The following ITGA11 variants were observed in gnomAD, a reference collection of about 807,000 sequenced individuals.
The protein encoded by ITGA11 is integrin subunit alpha 11, also known as integrin alpha-11.
A neutral mutation model predicts 141.9 loss-of-function variants in ITGA11; 97 were observed. The observed-to-expected ratio is 0.68, with a 90% confidence interval of 0.58 to 0.81. The LOEUF is 0.81. ITGA11 is among the 30% of genes least tolerant of loss of function. The pLI is 0.00. For synonymous variants in ITGA11, 658 were observed against 624.6 expected (o/e 1.05, Z -0.80); for missense variants, 1,387 against 1,559.2 (o/e 0.89, Z 1.86).
intron 2 of ITGA11, among the ~76,000 whole-genome samples, chr15:68,377,818 A>G (rs76629390): frequency 0.012 from 1,807 of 152,162 alleles, 46 homozygotes; most frequent in East Asian, 0.096. Flanking sequence ...TCTTGGTTCC[A>G]CTCCAACCCT....
At position 68,403,046 on chromosome 15, in the gene ITGA11, G is replaced by A. The variant is rs747017817; in HGVS notation, c.53-17C>T. 10 of 1,565,170 alleles carry A rather than the reference G, an allele frequency of 6.4e-6. No individual in the cohort carries two copies. In the South Asian group the frequency reaches 1.0e-4, roughly 16 times the overall value. The stretch of plus-strand genomic sequence containing the variant: ...CCGTGAACCCTGAGGCAGGGGGAGA[G>A]GAGAGGAGAAGCAGGGGAGTCAGAC... On this transcript the variant is annotated splice_polypyrimidine_tract_variant and intron_variant, in intron 1 of 29. Transcript: ENST00000315757.
intron 2 of ITGA11, among the ~76,000 whole-genome samples, chr15:68,390,292 T>C (rs1023519966): frequency 6.6e-6 from 1 of 152,130 alleles, no homozygotes; most frequent in Non-Finnish European, 1.5e-5. Context: ...TCCAACTGTT[T>C]ACTGCGGGCC....
In ITGA11 at chr15:68,321,389, G is replaced by A. The variant is rs774043547; in HGVS notation, c.2408+29C>T. 6.8e-6 allele frequency: 10 copies of A among 1,461,838 alleles called. No individual in the cohort carries two copies. Among genetic ancestry groups the A allele is most frequent in the African/African-American group, 2.9e-5 (2 of 67,966 alleles). The allele number at this position is 1,461,838 out of a possible 1,614,324, so 90.6% of individuals were successfully genotyped here. On this transcript the variant is annotated intron_variant, in intron 19 of 29. Coordinates refer to ENST00000315757, the MANE Select transcript of ITGA11 (RefSeq NM_001004439.2). This position sits in a 1 kb window ranked among gnomAD's most constrained non-coding sequence, Gnocchi z 4.9. Reference sequence around the variant, plus strand: ...CCTCTGGCAGTGAAGGGGAAGGGGCGAGGGTGGGGGTGGAAGGAGCCAACT... The same window carrying A: ...CCTCTGGCAGTGAAGGGGAAGGGGCAAGGGTGGGGGTGGAAGGAGCCAACT...
In ITGA11 at chr15:68,428,697, C is replaced by T. The variant is rs191435161; in HGVS notation, c.52+3318G>A. 2.0e-3 allele frequency among the ~76,000 whole-genome samples: 311 copies of T among 152,294 alleles called. 3 individuals are homozygous for T. Among genetic ancestry groups the T allele is most frequent in the African/African-American group, 7.2e-3 (299 of 41,538 alleles). On this transcript the variant is annotated intron_variant, in intron 1 of 29. Transcript: ENST00000315757. Reference sequence around the variant, plus strand: ...GTCTTGGACCTCTGGAGCCTTTGTACACCTGTGGTGTCTAGCACTGTGCTT... The same window carrying T: ...GTCTTGGACCTCTGGAGCCTTTGTATACCTGTGGTGTCTAGCACTGTGCTT...
At chr15:68,429,692 G>C (rs780897104) in intron 1 of ITGA11, among the ~76,000 whole-genome samples, 5 of 152,198 alleles carry the variant, frequency 3.3e-5, no homozygotes, top group Non-Finnish European at 5.9e-5. Context: ...CCTGGAGCCT[G>C]AGGAGTGAAC....
chr15:68,430,308 G>A, intron 1 of ITGA11, among the ~76,000 whole-genome samples: 1 of 152,074 alleles, frequency 6.6e-6, no homozygotes, highest in East Asian at 1.9e-4. Flanking sequence ...CTGTGTTAAG[G>A]GCCTTTCTTA....
chr15:68,343,183 G>T (rs1172606590), intron 10 of ITGA11, among the ~76,000 whole-genome samples: 1 of 152,160 alleles, frequency 6.6e-6, no homozygotes, highest in Non-Finnish European at 1.5e-5. Flanking sequence ...CATCTCCCCA[G>T]TGGTCGGGAG....
chr15:68,361,594 G>C lies in ITGA11; in HGVS notation c.468C>G (p.Leu156=). The change falls in exon 5 of 30, where the codon CTC becomes CTG. Residue 156 remains leucine, a synonymous_variant. Coordinates refer to ENST00000315757, the MANE Select transcript of ITGA11 (RefSeq NM_001004439.2). Reference sequence around the variant, plus strand: ...TGCAGATTTGAAGCCACTTACTTTGGAGAGCTGGGGCCACGGTCTTGGAGA... The same window carrying C: ...TGCAGATTTGAAGCCACTTACTTTGCAGAGCTGGGGCCACGGTCTTGGAGA... The part of the protein sequence containing the change: ...FRFSKTVAPA[L]QRCQTYMDIV... 1 of 1,599,598 alleles carries C rather than the reference G, an allele frequency of 6.3e-7. No homozygotes were observed. Among genetic ancestry groups the C allele is most frequent in the Non-Finnish European group, 8.5e-7 (1 of 1,172,400 alleles).
At position 68,304,999 on chromosome 15, in the gene ITGA11, G is replaced by A. The variant is rs942011673; in HGVS notation, c.3382-1114C>T. Among the ~76,000 whole-genome samples, 4 of 152,162 alleles carry A rather than the reference G, an allele frequency of 2.6e-5. No individual in the cohort carries two copies. The East Asian group carries it at 5.8e-4, about 22-fold the overall frequency. On this transcript the variant is annotated intron_variant, in intron 28 of 29. Coordinates refer to ENST00000315757, the MANE Select transcript of ITGA11 (RefSeq NM_001004439.2). The surrounding 1 kb of genome is among the most constrained non-coding windows in gnomAD (Gnocchi z 6.1). ...TAGCAACTAGAGGGATCCTTCTAAC[G>A]AGGAAGGCAGGCTTATGCTCTGCTC... is the stretch of plus-strand genomic sequence containing the variant.
chr15:68,314,866 T>TA (rs1285650255), intron 22 of ITGA11, among the ~76,000 whole-genome samples: 28 of 152,186 alleles, frequency 1.8e-4, no homozygotes, highest in African/African-American at 6.8e-4. Flanking sequence ...GCTGGAATGT[T>TA]AGTGTTCGGT....
chr15:68,316,076 G>A (rs915179784), intron 21 of ITGA11, among the ~76,000 whole-genome samples: 3 of 152,264 alleles, frequency 2.0e-5, no homozygotes, highest in African/African-American at 7.2e-5. Context: ...TAGGGTAGGG[G>A]TCCTTGATGG....
chr15:68,410,942 T>C (rs932658592), intron 1 of ITGA11, among the ~76,000 whole-genome samples: 3 of 152,178 alleles, frequency 2.0e-5, no homozygotes, highest in African/African-American at 4.8e-5. Flanking sequence ...GCTGCTCTCA[T>C]AGGAGACCTA....
intron 20 of ITGA11, among the ~76,000 whole-genome samples, chr15:68,319,898 G>GA (rs1421929779): frequency 6.6e-6 from 1 of 152,162 alleles, no homozygotes. Flanking sequence ...ATCTCCAGAG[G>GA]AGGAGTCTGG....
At chr15:68,431,160 G>A (rs1193840687) in intron 1 of ITGA11, among the ~76,000 whole-genome samples, 1 of 152,236 alleles carries the variant, frequency 6.6e-6, no homozygotes, top group African/African-American at 2.4e-5. Flanking sequence ...GACGGCCGGG[G>A]CCAGGGTACC....
chr15:68,366,240 C>G (rs915287099), intron 3 of ITGA11, among the ~76,000 whole-genome samples: 1 of 152,166 alleles, frequency 6.6e-6, no homozygotes, highest in African/African-American at 2.4e-5. Context: ...CCGCGCACAC[C>G]TGCCCTTTCA....
intron 2 of ITGA11, among the ~76,000 whole-genome samples, chr15:68,370,531 C>A (rs1338394329): frequency 5.3e-5 from 8 of 152,242 alleles, no homozygotes; most frequent in Non-Finnish European, 1.2e-4. Context: ...GGGTCTGTGG[C>A]ACGTGACTCT....
rs1427734886 is a variant in ITGA11, at chr15:68,326,964, T to C, written c.2069-168A>G. 6.6e-6 allele frequency among the ~76,000 whole-genome samples: 1 copy of C among 151,542 alleles called. No homozygotes were observed. The highest frequency in any genetic ancestry group is 1.5e-5 in the Non-Finnish European group (1 of 67,890). The stretch of plus-strand genomic sequence containing the variant: ...CCCACATGGAGAGCAAGTGATTGCA[T>C]GAGGAAGGTAAAGGAAGGAACCAAA... On this transcript the variant is annotated intron_variant, in intron 16 of 29. Transcript: ENST00000315757. The surrounding 1 kb of genome is among the most constrained non-coding windows in gnomAD (Gnocchi z 6.8).
At chr15:68,422,726 C>T (rs1030188740) in intron 1 of ITGA11, among the ~76,000 whole-genome samples, 1 of 152,192 alleles carries the variant, frequency 6.6e-6, no homozygotes, top group African/African-American at 2.4e-5. Context: ...CGGCATCCTG[C>T]CCACCAAACC....
chr15:68,400,596 ATATAT>A (rs1262018003), intron 2 of ITGA11, among the ~76,000 whole-genome samples: 3 of 103,938 alleles, frequency 2.9e-5, no homozygotes, highest in Admixed American at 1.6e-4. Flanking sequence ...TTTATATATT[ATATAT>A]TATAATATAT....
Sources: gnomAD v4.1 joint callset for allele counts (sites outside exome capture counted in the v4.1 genomes callset) on GRCh38, gnomAD v4.1.1 for gene constraint, Gnocchi (gnomAD v3.1) non-coding constraint, MANE v1.5 for transcripts, NCBI Gene and HGNC (gene_info 2026-07-23, HGNC 2026-07-21) for gene names.